Variants in MPND observed in about 807,000 individuals in gnomAD.
MPND encodes MPN domain containing.
In MPND, 56 loss-of-function variants were observed where a neutral mutation model predicts 59.2. That is an observed-to-expected ratio of 0.95 (90% CI 0.76 to 1.18). The LOEUF (loss-of-function observed/expected upper bound fraction) is 1.18. MPND is among the 50% of genes most tolerant of loss of function. The probability of loss-of-function intolerance (pLI) is 0.00; values close to 1 mark genes in which losing one functional copy is unlikely to be tolerated. For missense variants in MPND, 671 were observed against 676.0 expected (o/e 0.99, Z 0.08); for synonymous variants, 323 against 291.9 (o/e 1.11, Z -1.09).
chr19:4,345,796 G>A lies in MPND; in HGVS notation c.346G>A (p.Glu116Lys), dbSNP rs1972171983. The change falls in exon 3 of 13, where the codon GAG becomes AAG. Residue 116 changes from glutamate to lysine, a missense_variant. Transcript: ENST00000599840. ...GCCAGACGGAAGGATCATGTGGCAG[G>A]AGACCGGGCAGACCTTCAACTCACC... ...LQPDGRIMWQ[E>K]TGQTFNSPSA... 6.2e-6 allele frequency: 10 copies of A among 1,613,894 alleles called. No individual in the cohort carries two copies. Among genetic ancestry groups the A allele is most frequent in the African/African-American group, 1.3e-5 (1 of 74,932 alleles).
chr19:4,352,063 C>A (rs534512469), intron 3 of MPND, among the ~76,000 whole-genome samples: 1 of 151,562 alleles, frequency 6.6e-6, no homozygotes, highest in Non-Finnish European at 1.5e-5. Context: ...CTCCCAGCTA[C>A]TCAGGAGGCT....
chr19:4,350,728 C>T (rs752257675), intron 3 of MPND, among the ~76,000 whole-genome samples: 14 of 152,068 alleles, frequency 9.2e-5, no homozygotes, highest in Non-Finnish European at 1.9e-4. Flanking sequence ...CCCTGTGAGT[C>T]CCCCACATGG....
At chr19:4,358,358 G>A (rs1972492089) in intron 11 of MPND, 186 bp downstream of exon 11, 5 of 592,584 alleles carry the variant, frequency 8.4e-6, no homozygotes, top group South Asian at 4.0e-5. Flanking sequence ...TCCAACTTCT[G>A]CCCTCCCTCA....
In MPND at chr19:4,358,154, T is replaced by A. The variant is rs1206040027; in HGVS notation, c.1308T>A (p.Asn436Lys). 3 of 1,551,366 alleles carry A rather than the reference T, an allele frequency of 1.9e-6. No individual in the cohort carries two copies. In the Admixed American group the frequency reaches 5.9e-5, roughly 30 times the overall value. The change falls in exon 11 of 13, where the codon AAT becomes AAA. Residue 436 changes from asparagine to lysine, a missense_variant. By Grantham distance (94) the Asn-to-Lys change is moderately conservative. Coordinates refer to ENST00000599840, the MANE Select transcript of MPND (RefSeq NM_001300862.2). ...ACGTCCAGGACAGCTTCCTGACCAA[T>A]GACATCCTTCACGAGATGGTGAGCT... ...MAYVQDSFLT[N>K]DILHEMMLLV...
chr19:4,350,887 G>A (rs1366634629), intron 3 of MPND, among the ~76,000 whole-genome samples: 1 of 152,038 alleles, frequency 6.6e-6, no homozygotes, highest in Non-Finnish European at 1.5e-5. Flanking sequence ...GAGGAGGCCT[G>A]AAAACCCAGC....
intron 1 of MPND, 29 bp downstream of exon 1, chr19:4,343,629 C>CGGGGCTGCA (rs780729953): frequency 4.2e-6 from 5 of 1,188,512 alleles, no homozygotes; most frequent in Non-Finnish European, 5.2e-6. Flanking sequence ...GGCGGAGGCG[C>CGGGGCTGCA]GGGGCGCGGG....
chr19:4,355,956 T>C (rs552277812), intron 8 of MPND, among the ~76,000 whole-genome samples: 1 of 147,816 alleles, frequency 6.8e-6, no homozygotes, highest in Non-Finnish European at 1.5e-5. Context: ...CGGATTCAAG[T>C]GATTCTCCTG....
intron 11 of MPND, among the ~76,000 whole-genome samples, chr19:4,358,677 C>T (rs2079241617): frequency 6.6e-6 from 1 of 152,154 alleles, no homozygotes; most frequent in African/African-American, 2.4e-5. Flanking sequence ...GTCCTAGCTA[C>T]TTGGGAGGCT....
rs1178861460 is a variant in MPND, at chr19:4,343,778, G to A, written c.78G>A (p.Glu26=). 2 of 1,209,380 alleles carry A rather than the reference G, an allele frequency of 1.7e-6. No homozygotes were observed. The highest frequency in any genetic ancestry group is 4.4e-5 in the Admixed American group (1 of 22,646). 74.9% of individuals were successfully genotyped at this position (1,209,380 alleles called of 1,614,324 possible). A position where few individuals can be genotyped will look rare whatever the true frequency, so the allele number is the denominator to read the frequency against. Residue 26 remains glutamate, a synonymous_variant, in exon 2 of 13, where the codon GAG becomes GAA. Coordinates refer to ENST00000599840, the MANE Select transcript of MPND (RefSeq NM_001300862.2). The part of the protein sequence containing the change: ...EAPEEDEDEA[E]AEDPERPNAG... ...CGGAGGAGGACGAGGACGAAGCGGAGGCCGAGGACCCTGAGCGGCCGAATG... is the reference window on the plus strand; with the variant it reads ...CGGAGGAGGACGAGGACGAAGCGGAAGCCGAGGACCCTGAGCGGCCGAATG...
chr19:4,345,157 C>T (rs536793258), intron 2 of MPND, among the ~76,000 whole-genome samples: 1 of 150,514 alleles, frequency 6.6e-6, no homozygotes, highest in African/African-American at 2.5e-5. Flanking sequence ...AGCAATTCTC[C>T]TGCCTTAGCC....
chr19:4,346,889 G>A (rs896631592), intron 3 of MPND, among the ~76,000 whole-genome samples: 1 of 151,962 alleles, frequency 6.6e-6, no homozygotes, highest in Non-Finnish European at 1.5e-5. Context: ...AATTAGCCAG[G>A]CGTGGTGGTG....
In MPND at chr19:4,354,265, G is replaced by C. The variant is rs549607312; in HGVS notation, c.750-59G>C. On this transcript the variant is annotated intron_variant, in intron 5 of 12. Coordinates refer to ENST00000599840, the MANE Select transcript of MPND (RefSeq NM_001300862.2). Reference sequence around the variant, plus strand: ...GCTGTGGGGTTGGGGGAGTCAGTGTGGGGGCGAGGGAAGAGCCTGGGGATT... The same window carrying C: ...GCTGTGGGGTTGGGGGAGTCAGTGTCGGGGCGAGGGAAGAGCCTGGGGATT... The C allele has an allele frequency of 4.0e-6, 6 of 1,513,014 alleles. No homozygotes were observed. The South Asian group carries it at 7.2e-5, about 18-fold the overall frequency. 93.7% of individuals were successfully genotyped at this position (1,513,014 alleles called of 1,614,324 possible).
At chr19:4,346,615 C>G (rs1599565883) in intron 3 of MPND, among the ~76,000 whole-genome samples, 1 of 152,172 alleles carries the variant, frequency 6.6e-6, no homozygotes, top group South Asian at 2.1e-4. Context: ...TGAGGTTTCA[C>G]CATGTTGCCT....
chr19:4,349,225 G>A (rs1972259112), intron 3 of MPND, among the ~76,000 whole-genome samples: 1 of 152,036 alleles, frequency 6.6e-6, no homozygotes, highest in Non-Finnish European at 1.5e-5. Flanking sequence ...GCGCCACCAA[G>A]CTCAGCTGAT....
At chr19:4,354,159 C>T (rs1312140084) in intron 5 of MPND, 30 bp downstream of exon 5, 5 of 1,594,992 alleles carry the variant, frequency 3.1e-6, no homozygotes, top group Middle Eastern at 1.7e-4. Flanking sequence ...CTGCCCCTGC[C>T]CCAGCTCACC....
chr19:4,349,275 CA>C (rs1431590918), intron 3 of MPND, among the ~76,000 whole-genome samples: 3 of 152,114 alleles, frequency 2.0e-5, no homozygotes, highest in African/African-American at 7.2e-5. Context: ...GCGGTTTCAC[CA>C]TGTTGGTCAG....
At chr19:4,358,346 C>T in intron 11 of MPND, 174 bp downstream of exon 11, 1 of 603,058 alleles carries the variant, frequency 1.7e-6, no homozygotes, top group Non-Finnish European at 2.9e-6. Context: ...TGCCAGGGTC[C>T]CTCCAACTTC....
Position 4,357,396 on chromosome 19 carries a change from C to A in MPND, c.1140C>A (p.Phe380Leu). Residue 380 changes from phenylalanine (F) to leucine (L), a missense_variant, in exon 9 of 13, where the codon TTC becomes TTA. Phe to Leu is a conservative substitution (Grantham distance 22). Coordinates refer to ENST00000599840, the MANE Select transcript of MPND (RefSeq NM_001300862.2). The stretch of plus-strand genomic sequence containing the variant: ...GGCTGCAGGGCTCCAGCAATGGCTT[C>A]CAGCCCTGCCTCGCCCTGCTCTGCT... Reference protein sequence around the residue: ...QLRLQGSSNGFQPCLALLCSP... With the variant: ...QLRLQGSSNGLQPCLALLCSP... The A allele has an allele frequency of 6.2e-7, 1 of 1,612,876 alleles. No individual in the cohort carries two copies. The highest frequency in any genetic ancestry group is 8.5e-7 in the Non-Finnish European group (1 of 1,179,904).
rs1972119913 is a variant in MPND, at chr19:4,343,704, G to T, written c.8-4G>T. Reference sequence around the variant, plus strand: ...GCCTCCCTGCAGCCTCTCGCTGTCCGCAGCTCCGGAGCCGCTGTCCCCGGC... The same window carrying T: ...GCCTCCCTGCAGCCTCTCGCTGTCCTCAGCTCCGGAGCCGCTGTCCCCGGC... On this transcript the variant is annotated splice_region_variant and splice_polypyrimidine_tract_variant and intron_variant, in intron 1 of 12. Transcript: ENST00000599840. 3 of 1,200,670 alleles carry T rather than the reference G, an allele frequency of 2.5e-6. No homozygotes were observed. Among genetic ancestry groups the T allele is most frequent in the Non-Finnish European group, 3.1e-6 (3 of 968,216 alleles). The allele number at this position is 1,200,670 out of a possible 1,614,324, so 74.4% of individuals were successfully genotyped here.
Sources: gnomAD v4.1 joint callset for allele counts (sites outside exome capture counted in the v4.1 genomes callset) on GRCh38, gnomAD v4.1.1 for gene constraint, MANE v1.5 for transcripts, NCBI Gene and HGNC (gene_info 2026-07-23, HGNC 2026-07-21) for gene names.